KIF6: variants seen among roughly 807,000 people sequenced by gnomAD.
KIF6 encodes the protein kinesin-like protein KIF6.
A neutral mutation model predicts 112.7 loss-of-function variants in KIF6; 106 were observed. The ratio of observed to expected loss-of-function variants is 0.94; its 90% CI spans 0.80 to 1.11. KIF6 has a LOEUF of 1.11. Ranked by LOEUF, KIF6 falls within the 50% of genes least tolerant of loss-of-function variation. The pLI is 0.00. For synonymous variants in KIF6, 339 were observed against 339.9 expected (o/e 1.00, Z 0.03); for missense variants, 929 against 964.0 (o/e 0.96, Z 0.48).
At position 39,360,561 on chromosome 6, in the gene KIF6, C is replaced by A. The variant is rs150690403; in HGVS notation, c.1947-31G>T. 1,533 of 1,613,818 alleles carry A rather than the reference C, an allele frequency of 9.5e-4. 8 individuals carry two copies. The African/African-American group carries it at 0.015, about 16-fold the overall frequency. On this transcript the variant is annotated intron_variant, in intron 17 of 22. Transcript: ENST00000287152. ...GTGGAATCGGGGAAGAGTCAGGGCA[C>A]TGCTGTCTTGAAAGCACGGCATGGA...
intron 3 of KIF6, among the ~76,000 whole-genome samples, chr6:39,676,538 G>A (rs1377799708): frequency 3.9e-5 from 6 of 152,082 alleles, no homozygotes; most frequent in South Asian, 2.1e-4. Flanking sequence ...CGGGGAATAA[G>A]CTAAACATGC....
chr6:39,421,978 C>T (rs1770403019), intron 14 of KIF6, among the ~76,000 whole-genome samples: 1 of 152,172 alleles, frequency 6.6e-6, no homozygotes, highest in Non-Finnish European at 1.5e-5. Context: ...ATGATCATTT[C>T]ATCACTGCTC....
chr6:39,346,132 C>CCTCTCTCTCTCTCTCTCTCTCTCTCT (rs779814201), intron 20 of KIF6, among the ~76,000 whole-genome samples: 19 of 26,918 alleles, frequency 7.1e-4, no homozygotes, highest in African/African-American at 2.1e-3. Flanking sequence ...CCTCCCTCTC[C>CCTCTCTCTCTCTCTCTCTCTCTCTCT]CTCTCTCTCT....
chr6:39,500,676 G>A (rs1776074101), intron 13 of KIF6, among the ~76,000 whole-genome samples: 1 of 152,150 alleles, frequency 6.6e-6, no homozygotes, highest in African/African-American at 2.4e-5. Context: ...AAACGGTAAT[G>A]TAAGTAAAGA....
chr6:39,594,475 T>C (rs923689332), intron 7 of KIF6, among the ~76,000 whole-genome samples: 1 of 152,220 alleles, frequency 6.6e-6, no homozygotes, highest in Non-Finnish European at 1.5e-5. Flanking sequence ...GTGTAATATT[T>C]GAGCAGGAAA....
intron 13 of KIF6, among the ~76,000 whole-genome samples, chr6:39,492,577 G>T (rs1775536497): frequency 6.6e-6 from 1 of 152,220 alleles, no homozygotes; most frequent in Non-Finnish European, 1.5e-5. Context: ...CTGAGTTCCA[G>T]TGAAGGACCT....
At chr6:39,421,981 C>T (rs1256666076) in intron 14 of KIF6, among the ~76,000 whole-genome samples, 1 of 152,126 alleles carries the variant, frequency 6.6e-6, no homozygotes, top group Non-Finnish European at 1.5e-5. Flanking sequence ...ATCATTTCAT[C>T]ACTGCTCTGT....
intron 13 of KIF6, among the ~76,000 whole-genome samples, chr6:39,456,371 C>T (rs1274663147): frequency 7.2e-5 from 9 of 124,290 alleles, no homozygotes; most frequent in South Asian, 3.1e-4. Context: ...CTGAAGGAAG[C>T]GCTAAACATG....
rs536450760 is a variant in KIF6, at chr6:39,484,843, T to C, written c.1646-53682A>G. Among the ~76,000 whole-genome samples the C allele has an allele frequency of 1.6e-4, 25 of 152,244 alleles. 1 individual carries two copies. In the South Asian group the frequency reaches 5.2e-3, roughly 32 times the overall value. ...CTGTGGTGCAGTGGAGCCACTTAGATGGGAAGCTTGCATCTGTGACTATCA... is the reference window on the plus strand; with the variant it reads ...CTGTGGTGCAGTGGAGCCACTTAGACGGGAAGCTTGCATCTGTGACTATCA... On this transcript the variant is annotated intron_variant, in intron 13 of 22. Transcript: ENST00000287152.
intron 14 of KIF6, among the ~76,000 whole-genome samples, chr6:39,427,557 C>T (rs1770862099): frequency 6.6e-6 from 1 of 152,162 alleles, no homozygotes; most frequent in African/African-American, 2.4e-5. Context: ...GTTAGTATTA[C>T]AGGAACATTA....
At chr6:39,562,268 T>C (rs1195580182) in intron 10 of KIF6, among the ~76,000 whole-genome samples, 1 of 152,206 alleles carries the variant, frequency 6.6e-6, no homozygotes, top group Non-Finnish European at 1.5e-5. Context: ...AAGACAGTGG[T>C]GGATATCTAC....
At chr6:39,474,594 T>C (rs758826397) in intron 13 of KIF6, among the ~76,000 whole-genome samples, 3 of 152,228 alleles carry the variant, frequency 2.0e-5, no homozygotes, top group African/African-American at 7.2e-5. Flanking sequence ...GGGTAATAAG[T>C]GATCACAAAA....
intron 9 of KIF6, among the ~76,000 whole-genome samples, chr6:39,582,517 T>C (rs1007541593): frequency 1.8e-4 from 28 of 152,162 alleles, no homozygotes; most frequent in African/African-American, 6.7e-4. Flanking sequence ...GTTCAAGCAA[T>C]TCTCCTGCCT....
At chr6:39,644,711 C>T (rs1283517142) in intron 3 of KIF6, among the ~76,000 whole-genome samples, 2 of 151,888 alleles carry the variant, frequency 1.3e-5, no homozygotes, top group Non-Finnish European at 2.9e-5. Flanking sequence ...TTCTTTTTGG[C>T]GGTAATGAAA....
intron 13 of KIF6, among the ~76,000 whole-genome samples, chr6:39,444,099 C>A (rs557815523): frequency 1.3e-5 from 2 of 152,152 alleles, no homozygotes; most frequent in South Asian, 4.2e-4. Context: ...TTACAATAAC[C>A]GAGTCAACTA....
At chr6:39,486,950 A>G (rs1775148922) in intron 13 of KIF6, among the ~76,000 whole-genome samples, 1 of 152,224 alleles carries the variant, frequency 6.6e-6, no homozygotes, top group African/African-American at 2.4e-5. Context: ...TTACTGCAAG[A>G]CTAAAACAGA....
intron 15 of KIF6, among the ~76,000 whole-genome samples, chr6:39,398,733 G>A (rs1768460847): frequency 2.0e-5 from 3 of 152,174 alleles, no homozygotes; most frequent in Admixed American, 6.5e-5. Context: ...CAGAACTATA[G>A]GTTTGCAGAG....
At position 39,364,290 on chromosome 6, in the gene KIF6, T is replaced by C. The variant is rs574764131; in HGVS notation, c.1862-1772A>G. On this transcript the variant is annotated intron_variant, in intron 16 of 22. Coordinates refer to ENST00000287152, the MANE Select transcript of KIF6 (RefSeq NM_145027.6). The stretch of plus-strand genomic sequence containing the variant: ...TGCACACCACCACGCCCAGCTAATT[T>C]TTGTATTTTTAGTAGAGATGGGGTT... Among the ~76,000 whole-genome samples the C allele has an allele frequency of 8.7e-4, 133 of 152,094 alleles. 2 individuals are homozygous for C. Among genetic ancestry groups the C allele is most frequent in the African/African-American group, 2.7e-3 (111 of 41,484 alleles).
chr6:39,363,120 G>C (rs1270006194), intron 16 of KIF6, among the ~76,000 whole-genome samples: 2 of 152,226 alleles, frequency 1.3e-5, no homozygotes, highest in Non-Finnish European at 2.9e-5. Flanking sequence ...TTGCACTCCA[G>C]CTTGGGCAAC....
Sources: allele counts gnomAD v4.1 joint callset (sites outside exome capture counted in the v4.1 genomes callset), GRCh38; gene constraint gnomAD v4.1.1; transcripts MANE v1.5; gene names NCBI Gene and HGNC (gene_info 2026-07-23, HGNC 2026-07-21).